DGKH: variants seen among roughly 807,000 people sequenced by gnomAD.
DGKH encodes DAG kinase eta.
DGKH carries 90 observed loss-of-function variants against 159.3 expected under a neutral mutation model. That is an observed-to-expected ratio of 0.57 (90% CI 0.48 to 0.67). The LOEUF is 0.67. DGKH is among the 30% of genes least tolerant of loss of function. DGKH has a pLI of 0.00. For synonymous variants in DGKH, 536 were observed against 553.8 expected (o/e 0.97, Z 0.45); for missense variants, 1,181 against 1,506.1 (o/e 0.78, Z 3.57).
chr13:42,099,254 C>A lies in DGKH; in HGVS notation c.193-28209C>A, dbSNP rs1954606903. 2.6e-5 allele frequency among the ~76,000 whole-genome samples: 4 copies of A among 152,120 alleles called. No homozygotes were observed. The South Asian group carries it at 8.3e-4, about 32-fold the overall frequency. On this transcript the variant is annotated intron_variant, in intron 1 of 29. Transcript: ENST00000337343. ...ACATTATCAAGGCTTGTTGATTCTT[C>A]CTTTGTAACAGGTCTCAGTTTGTCC...
intron 1 of DGKH, among the ~76,000 whole-genome samples, chr13:42,060,370 G>C (rs953211635): frequency 1.3e-5 from 2 of 152,028 alleles, no homozygotes; most frequent in South Asian, 4.1e-4. Context: ...CACCTCTATC[G>C]GTCTTTTTCT....
At chr13:42,106,674 A>G (rs1954763705) in intron 1 of DGKH, among the ~76,000 whole-genome samples, 1 of 152,220 alleles carries the variant, frequency 6.6e-6, no homozygotes, top group African/African-American at 2.4e-5. Flanking sequence ...TTGAGTGGAT[A>G]AACTTAACCT....
intron 28 of DGKH, 57 bp downstream of exon 28, chr13:42,219,851 G>A: frequency 6.6e-7 from 1 of 1,508,154 alleles, no homozygotes; most frequent in African/African-American, 1.4e-5. Context: ...GCTGATTAAA[G>A]TGACATCATG....
chr13:42,050,532 G>C (rs901860121), intron 1 of DGKH, among the ~76,000 whole-genome samples: 1 of 152,168 alleles, frequency 6.6e-6, no homozygotes, highest in Non-Finnish European at 1.5e-5. Context: ...TGACGTTTTT[G>C]AGTTTGTAGT....
chr13:42,104,512 CG>C (rs1336094949), intron 1 of DGKH, among the ~76,000 whole-genome samples: 1 of 152,174 alleles, frequency 6.6e-6, no homozygotes, highest in Admixed American at 6.5e-5. Flanking sequence ...TTGCTTGAGT[CG>C]TCCCTATTTC....
intron 16 of DGKH, among the ~76,000 whole-genome samples, chr13:42,194,667 C>T (rs1957160010): frequency 6.6e-6 from 1 of 152,108 alleles, no homozygotes; most frequent in Non-Finnish European, 1.5e-5. Context: ...TTATGGTAGA[C>T]ATCTATTTTC....
chr13:42,056,421 T>C (rs1286771994), intron 1 of DGKH, among the ~76,000 whole-genome samples: 1 of 152,230 alleles, frequency 6.6e-6, no homozygotes, highest in African/African-American at 2.4e-5. Context: ...GAATGTAATT[T>C]AGCATAATAG....
At chr13:42,094,020 T>TA (rs35291002) in intron 1 of DGKH, among the ~76,000 whole-genome samples, 10 of 147,280 alleles carry the variant, frequency 6.8e-5, no homozygotes, top group African/African-American at 2.5e-4. Context: ...TTTCCCTCAA[T>TA]AAAAAAAACT....
chr13:42,245,100 C>CAG (rs1342309834), downstream of DGKH, among the ~76,000 whole-genome samples: 1 of 151,888 alleles, frequency 6.6e-6, no homozygotes, highest in Non-Finnish European at 1.5e-5. Context: ...GAACTGCCTT[C>CAG]AGATATCTGA....
At chr13:42,108,564 A>AACT (rs1954804969) in intron 1 of DGKH, among the ~76,000 whole-genome samples, 1 of 152,216 alleles carries the variant, frequency 6.6e-6, no homozygotes, top group African/African-American at 2.4e-5. Flanking sequence ...CTTTTCTATT[A>AACT]AACTAAGACA....
At chr13:42,250,057 G>A (rs1046606944) in intron 29 of DGKH, among the ~76,000 whole-genome samples, 1 of 150,474 alleles carries the variant, frequency 6.6e-6, no homozygotes, top group Admixed American at 6.6e-5. Flanking sequence ...TGCAACCTCC[G>A]CCTCTCGGGT....
intron 1 of DGKH, among the ~76,000 whole-genome samples, chr13:42,120,560 G>A (rs970873633): frequency 2.0e-5 from 3 of 152,066 alleles, no homozygotes; most frequent in Admixed American, 1.3e-4. Context: ...AAATTACGCT[G>A]TTTCAAATGG....
At chr13:42,216,830 T>G (rs1957810080) in intron 26 of DGKH, 1 of 152,238 alleles carries the variant, frequency 6.6e-6, no homozygotes, top group South Asian at 2.1e-4. Context: ...TTGGCACTAC[T>G]GTTTTTAACC....
At chr13:42,060,789 A>G (rs1016445030) in intron 1 of DGKH, among the ~76,000 whole-genome samples, 3 of 152,186 alleles carry the variant, frequency 2.0e-5, no homozygotes, top group African/African-American at 7.2e-5. Context: ...TAGTAAAACT[A>G]TGAGGTAGGT....
At chr13:42,133,657 C>T (rs927241524) in intron 3 of DGKH, among the ~76,000 whole-genome samples, 1 of 152,190 alleles carries the variant, frequency 6.6e-6, no homozygotes, top group Non-Finnish European at 1.5e-5. Context: ...GATTGCACCA[C>T]TGCTCTCCAG....
At chr13:42,168,632 CT>C in intron 10 of DGKH, 46 bp from the exon 11 acceptor site, 1 of 1,613,696 alleles carries the variant, frequency 6.2e-7, no homozygotes. Context: ...GCAGTAGTCC[CT>C]ATTTCTCAAC....
At chr13:42,204,527 A>G (rs1018010809) in intron 20 of DGKH, among the ~76,000 whole-genome samples, 1 of 152,234 alleles carries the variant, frequency 6.6e-6, no homozygotes, top group Non-Finnish European at 1.5e-5. Flanking sequence ...AGGTCTTCCC[A>G]AGAACTGACT....
At position 42,189,502 on chromosome 13, in the gene DGKH, A is replaced by G. The variant is rs1336241417; in HGVS notation, c.1912+193A>G. ...TGTTATGGTAGTAGTAAGAATCAGCATATTAGTGAGGAATAAAATAAAATA... is the reference window on the plus strand; with the variant it reads ...TGTTATGGTAGTAGTAAGAATCAGCGTATTAGTGAGGAATAAAATAAAATA... On this transcript the variant is annotated intron_variant, in intron 15 of 29. Transcript: ENST00000337343. Among the ~76,000 whole-genome samples, 9 of 152,320 alleles carry G rather than the reference A, an allele frequency of 5.9e-5. No homozygotes were observed. In the South Asian group the frequency reaches 1.4e-3, roughly 25 times the overall value.
chr13:42,226,717 C>T (rs1317964549), intron 29 of DGKH, among the ~76,000 whole-genome samples: 1 of 151,706 alleles, frequency 6.6e-6, no homozygotes, highest in African/African-American at 2.4e-5. Flanking sequence ...ATTAGCTGAG[C>T]ATGGTGGCAG....
Sources: allele counts gnomAD v4.1 joint callset (sites outside exome capture counted in the v4.1 genomes callset), GRCh38; gene constraint gnomAD v4.1.1; transcripts MANE v1.5; gene names NCBI Gene and HGNC (gene_info 2026-07-23, HGNC 2026-07-21).